Variants in PDE4B observed in about 807,000 individuals in gnomAD.
The protein encoded by PDE4B is 3',5'-cyclic-AMP phosphodiesterase 4B.
In PDE4B, 20 loss-of-function variants were observed where a neutral mutation model predicts 82.2. The ratio of observed to expected loss-of-function variants is 0.24; its 90% CI spans 0.17 to 0.35. PDE4B has a LOEUF of 0.35. Among genes scored for constraint, PDE4B ranks in the 10% least tolerant of loss-of-function variants. The pLI, the probability that PDE4B is intolerant of heterozygous loss-of-function variation, is 1.00. For synonymous variants in PDE4B, 320 were observed against 318.9 expected, an observed-to-expected ratio of 1.00 and a Z score of -0.04; for missense variants, 655 against 907.2, an observed-to-expected ratio of 0.72 and a Z score of 3.57.
intron 1 of PDE4B, among the ~76,000 whole-genome samples, chr1:65,908,235 G>A (rs1233989059): frequency 5.3e-5 from 8 of 152,150 alleles, no homozygotes; most frequent in Non-Finnish European, 4.4e-5. Flanking sequence ...CTCTCTCCAA[G>A]TCTCTTCTAG....
chr1:65,854,728 A>G (rs1323053811), intron 1 of PDE4B, among the ~76,000 whole-genome samples: 4 of 152,016 alleles, frequency 2.6e-5, no homozygotes, highest in Non-Finnish European at 5.9e-5. Context: ...AATTCTTGCA[A>G]GTAGGTTTAT....
chr1:66,098,112 T>C (rs1428553484), intron 3 of PDE4B, among the ~76,000 whole-genome samples: 1 of 152,112 alleles, frequency 6.6e-6, no homozygotes, highest in Non-Finnish European at 1.5e-5. Flanking sequence ...CTGACAGTTG[T>C]TCAGAGTCAG....
intron 3 of PDE4B, among the ~76,000 whole-genome samples, chr1:65,963,729 G>A (rs1420915424): frequency 6.6e-6 from 1 of 152,124 alleles, no homozygotes; most frequent in Non-Finnish European, 1.5e-5. Flanking sequence ...GTTCACATTG[G>A]CCTGAGGCGA....
At chr1:66,248,024 C>G (rs1195449132) in intron 4 of PDE4B, among the ~76,000 whole-genome samples, 1 of 152,152 alleles carries the variant, frequency 6.6e-6, no homozygotes, top group Non-Finnish European at 1.5e-5. Flanking sequence ...TCATGAGGCT[C>G]CAGCAAAGAG....
intron 3 of PDE4B, among the ~76,000 whole-genome samples, chr1:66,006,842 C>T (rs1335029239): frequency 1.3e-5 from 2 of 152,074 alleles, no homozygotes; most frequent in Non-Finnish European, 1.5e-5. Flanking sequence ...TTCCCGAGGC[C>T]TCCTCAGCTA....
intron 3 of PDE4B, among the ~76,000 whole-genome samples, chr1:66,243,669 T>C (rs1166702570): frequency 2.6e-5 from 4 of 152,168 alleles, no homozygotes; most frequent in Admixed American, 1.3e-4. Flanking sequence ...ATTCCAGTTA[T>C]GGGAAGCACC....
At chr1:65,952,646 C>CA (rs1387225723) in intron 3 of PDE4B, among the ~76,000 whole-genome samples, 1 of 152,028 alleles carries the variant, frequency 6.6e-6, no homozygotes, top group Non-Finnish European at 1.5e-5. Flanking sequence ...CATGCCATTG[C>CA]ACTCCAACCT....
At chr1:66,334,786 A>G (rs1660381379) in intron 8 of PDE4B, among the ~76,000 whole-genome samples, 1 of 152,244 alleles carries the variant, frequency 6.6e-6, no homozygotes, top group African/African-American at 2.4e-5. Context: ...AAGCTTGAGC[A>G]TAACATGCAC....
intron 3 of PDE4B, among the ~76,000 whole-genome samples, chr1:66,129,672 AC>A (rs60367187): frequency 0.33 from 24,965 of 74,988 alleles, 4,053 homozygotes; most frequent in African/African-American, 0.54. Flanking sequence ...AAAAAAAAAA[AC>A]AAAAAAACAA....
At chr1:65,933,632 T>C (rs1335105835) in intron 3 of PDE4B, among the ~76,000 whole-genome samples, 2 of 151,904 alleles carry the variant, frequency 1.3e-5, no homozygotes, top group Non-Finnish European at 2.9e-5. Context: ...CATCGTGCCA[T>C]TGCATTCCAG....
intron 3 of PDE4B, among the ~76,000 whole-genome samples, chr1:66,053,261 T>G (rs1655133474): frequency 6.6e-6 from 1 of 152,212 alleles, no homozygotes. Context: ...TATTCAGACA[T>G]TAGAAAAGAA....
At chr1:66,089,866 A>G (rs1203799090) in intron 3 of PDE4B, among the ~76,000 whole-genome samples, 2 of 152,182 alleles carry the variant, frequency 1.3e-5, no homozygotes, top group Admixed American at 6.6e-5. Flanking sequence ...TTATTTTTCT[A>G]TCATGATCTG....
At position 66,287,151 on chromosome 1, in the gene PDE4B, A is replaced by T. The variant is rs748921631; in HGVS notation, c.634+21064A>T. Among the ~76,000 whole-genome samples the T allele has an allele frequency of 2.0e-5, 3 of 152,262 alleles. No individual in the cohort carries two copies. The South Asian group carries it at 6.2e-4, about 32-fold the overall frequency. ...ACATATTAACTAACAATTAAAGTGG[A>T]TGGTGGTTTTCTTCTCAGTGAAGAC... On this transcript the variant is annotated intron_variant, in intron 7 of 16. Coordinates refer to ENST00000341517, the MANE Select transcript of PDE4B (RefSeq NM_002600.4).
intron 3 of PDE4B, among the ~76,000 whole-genome samples, chr1:66,171,994 A>G (rs947816894): frequency 1.3e-5 from 2 of 152,188 alleles, no homozygotes; most frequent in African/African-American, 4.8e-5. Flanking sequence ...GTATATGTGC[A>G]GGTTTGTTAC....
At chr1:65,942,743 T>C (rs562072008) in intron 3 of PDE4B, among the ~76,000 whole-genome samples, 1 of 152,172 alleles carries the variant, frequency 6.6e-6, no homozygotes, top group Admixed American at 6.6e-5. Context: ...TAATATCTCA[T>C]AGTGGTTTTA....
chr1:66,266,640 G>T (rs2101732491), intron 7 of PDE4B: 1 of 488,558 alleles, frequency 2.0e-6, no homozygotes, highest in African/African-American at 2.0e-5. Context: ...TTTGTTTTTT[G>T]TTTTTTAAGA....
intron 3 of PDE4B, among the ~76,000 whole-genome samples, chr1:66,163,658 C>T (rs1310656684): frequency 6.6e-6 from 1 of 152,126 alleles, no homozygotes; most frequent in Admixed American, 6.5e-5. Context: ...CTTAACAAAA[C>T]AGTCATGTTT....
At chr1:66,009,557 C>T (rs1356277675) in intron 3 of PDE4B, among the ~76,000 whole-genome samples, 1 of 152,152 alleles carries the variant, frequency 6.6e-6, no homozygotes, top group Non-Finnish European at 1.5e-5. Context: ...CTACCTATTA[C>T]TTCTCCAACT....
In PDE4B at chr1:65,864,013, A is replaced by G. The variant is rs1163268859; in HGVS notation, c.-70-49232A>G. On this transcript the variant is annotated intron_variant, in intron 1 of 16. Transcript: ENST00000341517. ...ATATACATTTAAGATTAATATTATT[A>G]TGTGTGAATTTGAGCCCCATATTTC... is the stretch of plus-strand genomic sequence containing the variant. 2.0e-5 allele frequency among the ~76,000 whole-genome samples: 3 copies of G among 152,116 alleles called. No homozygotes were observed. The East Asian group carries it at 5.8e-4, about 29-fold the overall frequency.
Sources: allele counts gnomAD v4.1 joint callset (sites outside exome capture counted in the v4.1 genomes callset), GRCh38; gene constraint gnomAD v4.1.1; transcripts MANE v1.5; gene names NCBI Gene and HGNC (gene_info 2026-07-23, HGNC 2026-07-21).